The following NCOA1 variants were observed in gnomAD, a reference collection of about 807,000 sequenced individuals.
NCOA1 encodes the protein Hin-2 protein.
Under a neutral mutation model 150.9 loss-of-function variants are expected in NCOA1, and 35 were observed. The ratio of observed to expected loss-of-function variants is 0.23; its 90% CI spans 0.18 to 0.31. The LOEUF is 0.31. Among genes scored for constraint, NCOA1 ranks in the 10% least tolerant of loss-of-function variants. NCOA1 has a pLI of 1.00. For synonymous variants in NCOA1, 590 were observed against 630.0 expected (o/e 0.94, Z 0.95); for missense variants, 1,491 against 1,749.3 (o/e 0.85, Z 2.63).
At chr2:24,643,722 G>C (rs1278766506) in intron 3 of NCOA1, among the ~76,000 whole-genome samples, 1 of 152,082 alleles carries the variant, frequency 6.6e-6, no homozygotes, top group Non-Finnish European at 1.5e-5. Context: ...GAAGTTTACA[G>C]ATAGATGCAA....
At chr2:24,653,204 AATTATTCAATCTGTGAGATTGT>A (rs1670783605) in intron 4 of NCOA1, among the ~76,000 whole-genome samples, 2 of 152,192 alleles carry the variant, frequency 1.3e-5, no homozygotes, top group South Asian at 4.1e-4. Context: ...TATTACTCAA[AATTATTCAATCTGTGAGATTGT>A]ATTATTCAGA....
chr2:24,567,836 C>T (rs912133242), intron 2 of NCOA1, among the ~76,000 whole-genome samples: 8 of 152,064 alleles, frequency 5.3e-5, no homozygotes, highest in African/African-American at 9.7e-5. Flanking sequence ...CTGCAACCTC[C>T]GCCTCCTGGG....
chr2:24,512,002 A>G (rs759958788), intron 1 of NCOA1, among the ~76,000 whole-genome samples: 1 of 152,112 alleles, frequency 6.6e-6, no homozygotes, highest in Non-Finnish European at 1.5e-5. Context: ...TTTAATCACT[A>G]TATGATTCTG....
intron 12 of NCOA1, 101 bp from the exon 13 acceptor site, chr2:24,706,467 T>A (rs1673436077): frequency 1.5e-6 from 2 of 1,320,138 alleles, no homozygotes; most frequent in East Asian, 2.5e-5. Context: ...TAGCTTGCAA[T>A]ATTAATGAGA....
Position 24,542,867 on chromosome 2 carries a change from A to G in NCOA1, c.-395-21428A>G, listed in dbSNP as rs79469775. 1.2e-3 allele frequency among the ~76,000 whole-genome samples: 181 copies of G among 152,362 alleles called. 3 individuals are homozygous for G. The East Asian group carries it at 0.033, about 28-fold the overall frequency. On this transcript the variant is annotated intron_variant, in intron 1 of 22. Transcript: ENST00000348332. The stretch of plus-strand genomic sequence containing the variant: ...AGTAAACTTGATTTAACAGATTAAT[A>G]TTAAACTTTGTACCTTACAAGGGGA...
At chr2:24,721,831 G>C (rs1674371115) in intron 14 of NCOA1, among the ~76,000 whole-genome samples, 2 of 152,162 alleles carry the variant, frequency 1.3e-5, no homozygotes, top group South Asian at 4.1e-4. Context: ...TTCTCCTGTT[G>C]CAAGTGTTTT....
chr2:24,766,671 A>G (rs1665081115), intron 22 of NCOA1, among the ~76,000 whole-genome samples: 1 of 152,036 alleles, frequency 6.6e-6, no homozygotes, highest in Non-Finnish European at 1.5e-5. Context: ...GGAGGAGGTA[A>G]GACAGGAGAG....
chr2:24,495,040 G>C (rs1663140319), intron 1 of NCOA1, among the ~76,000 whole-genome samples: 1 of 148,904 alleles, frequency 6.7e-6, no homozygotes, highest in Non-Finnish European at 1.5e-5. Flanking sequence ...AAATGGCCTA[G>C]TGGCAACTAG....
chr2:24,553,984 C>T (rs1453662013), intron 1 of NCOA1, among the ~76,000 whole-genome samples: 1 of 152,044 alleles, frequency 6.6e-6, no homozygotes, highest in East Asian at 1.9e-4. Flanking sequence ...GAGTTTATTG[C>T]CATAAAATTG....
chr2:24,672,583 A>C (rs1437615089), intron 6 of NCOA1, among the ~76,000 whole-genome samples: 1 of 152,112 alleles, frequency 6.6e-6, no homozygotes, highest in East Asian at 1.9e-4. Context: ...TTTTGTAAAA[A>C]TAAAGGACTC....
intron 3 of NCOA1, among the ~76,000 whole-genome samples, chr2:24,600,452 A>C (rs994099113): frequency 3.3e-5 from 5 of 151,948 alleles, no homozygotes; most frequent in African/African-American, 1.2e-4. Context: ...AGTGATCCGC[A>C]CGCCTTGGCC....
intron 5 of NCOA1, among the ~76,000 whole-genome samples, chr2:24,665,411 A>G (rs751180323): frequency 3.3e-5 from 5 of 152,242 alleles, no homozygotes; most frequent in Non-Finnish European, 7.3e-5. Flanking sequence ...TATTCATAAT[A>G]TAAAGTAGTT....
chr2:24,672,623 C>G lies in NCOA1; in HGVS notation c.257-743C>G, dbSNP rs55705221. Among the ~76,000 whole-genome samples the G allele has an allele frequency of 1.5e-3, 225 of 152,250 alleles. 2 individuals are homozygous for G. Among genetic ancestry groups the G allele is most frequent in the African/African-American group, 5.2e-3 (217 of 41,544 alleles). Reference sequence around the variant, plus strand: ...TGTTGCCCAGGCTGTTCTCAAACTCCTGGCCTCAAGCAGTCCTCCCACCTC... The same window carrying G: ...TGTTGCCCAGGCTGTTCTCAAACTCGTGGCCTCAAGCAGTCCTCCCACCTC... On this transcript the variant is annotated intron_variant, in intron 6 of 22. Transcript: ENST00000348332.
intron 3 of NCOA1, among the ~76,000 whole-genome samples, chr2:24,632,916 C>G (rs1669767673): frequency 6.6e-6 from 1 of 152,058 alleles, no homozygotes; most frequent in African/African-American, 2.4e-5. Context: ...TGATAAGTCC[C>G]ATGTATATAA....
At chr2:24,596,987 A>C (rs1292469899) in intron 3 of NCOA1, among the ~76,000 whole-genome samples, 1 of 152,224 alleles carries the variant, frequency 6.6e-6, no homozygotes, top group Non-Finnish European at 1.5e-5. Flanking sequence ...TAAAGAAATC[A>C]TCCAAAAGGA....
At chr2:24,727,138 CAAAAAAAAAAAAAA>C (rs755486331) in intron 15 of NCOA1, among the ~76,000 whole-genome samples, 1 of 43,280 alleles carries the variant, frequency 2.3e-5, no homozygotes, top group East Asian at 6.8e-4. Flanking sequence ...AACTCTGTCT[CAAAAAAAAAAAAAA>C]AAAAAAAAAA....
intron 8 of NCOA1, among the ~76,000 whole-genome samples, chr2:24,689,470 G>A (rs1401761355): frequency 6.6e-6 from 1 of 151,760 alleles, no homozygotes; most frequent in Non-Finnish European, 1.5e-5. Flanking sequence ...GTGCAGTGGT[G>A]CAATCTTGGC....
At chr2:24,533,460 C>T (rs1664985815) in intron 1 of NCOA1, among the ~76,000 whole-genome samples, 1 of 152,148 alleles carries the variant, frequency 6.6e-6, no homozygotes, top group African/African-American at 2.4e-5. Context: ...TCTGATTGCC[C>T]TGGCCAGAAC....
intron 22 of NCOA1, among the ~76,000 whole-genome samples, chr2:24,766,865 A>G (rs1337538772): frequency 6.6e-6 from 1 of 152,162 alleles, no homozygotes; most frequent in African/African-American, 2.4e-5. Flanking sequence ...TGTTATAGAC[A>G]CAAGAGAAAG....
Sources: allele counts gnomAD v4.1 joint callset (sites outside exome capture counted in the v4.1 genomes callset), GRCh38; gene constraint gnomAD v4.1.1; transcripts MANE v1.5; gene names NCBI Gene and HGNC (gene_info 2026-07-23, HGNC 2026-07-21).